Variants in NHS observed in about 807,000 individuals in gnomAD.
The protein encoded by NHS is actin remodeling regulator NHS.
Under a neutral mutation model 72.5 loss-of-function variants are expected in NHS, and 5 were observed. That is an observed-to-expected ratio of 0.07 (90% CI 0.04 to 0.14). The LOEUF (loss-of-function observed/expected upper bound fraction) is 0.14. Ranked by LOEUF, NHS falls within the 10% of genes least tolerant of loss-of-function variation. The probability of loss-of-function intolerance (pLI) is 1.00; values close to 1 mark genes in which losing one functional copy is unlikely to be tolerated. For missense variants in NHS, 1,072 were observed against 1,355.7 expected, an observed-to-expected ratio of 0.79 and a Z score of 3.29; for synonymous variants, 464 against 547.7, an observed-to-expected ratio of 0.85 and a Z score of 2.13.
chrX:17,502,706 G>A lies in NHS; in HGVS notation c.565+126384G>A, dbSNP rs1320671285. Among the ~76,000 whole-genome samples, 7 of 21,511 alleles carry A rather than the reference G, an allele frequency of 3.3e-4. 3 individuals are homozygous for A. Among genetic ancestry groups the A allele is most frequent in the African/African-American group, 9.1e-4 (7 of 7,651 alleles). 18.7% of individuals were successfully genotyped at this position (21,511 alleles called of 115,157 possible). A position where few individuals can be genotyped will look rare whatever the true frequency, so the allele number is the denominator to read the frequency against. Reference sequence around the variant, plus strand: ...CGGGAGGCTGAGGCAGGAGAATGGCGTGAACCCGGGAGGCGGAGCTTGCAG... The same window carrying A: ...CGGGAGGCTGAGGCAGGAGAATGGCATGAACCCGGGAGGCGGAGCTTGCAG... On this transcript the variant is annotated intron_variant, in intron 1 of 8. Transcript: ENST00000676302.
At chrX:17,547,433 G>A (rs1367845782) in intron 1 of NHS, among the ~76,000 whole-genome samples, 1 of 111,726 alleles carries the variant, frequency 9.0e-6, no homozygotes, top group African/African-American at 3.3e-5. Flanking sequence ...CTGTAAAATC[G>A]GAAGTGAGAT....
At chrX:17,427,037 A>G (rs1054962943) in intron 1 of NHS, among the ~76,000 whole-genome samples, 9 of 112,173 alleles carry the variant, frequency 8.0e-5, no homozygotes, top group African/African-American at 2.9e-4. Context: ...ATCACTTGGC[A>G]TGCTCGGCCT....
intron 1 of NHS, chrX:17,586,492 A>G (rs1280980517): frequency 8.9e-6 from 1 of 112,760 alleles, no homozygotes; most frequent in Non-Finnish European, 1.9e-5. Flanking sequence ...GGGAACCCAC[A>G]TGGGATTGAC....
At chrX:17,483,841 C>T (rs773227057) in intron 1 of NHS, among the ~76,000 whole-genome samples, 1 of 110,175 alleles carries the variant, frequency 9.1e-6, no homozygotes, top group Non-Finnish European at 1.9e-5. Context: ...TTTAAAGGAA[C>T]GTAGTAAAGG....
Position 17,721,622 on chromosome X carries a change from T to C in NHS, c.1097T>C (p.Ile366Thr). ...GTGATTTCTTCTTGCATTATTCCCA[T>C]CAATGTTACTGGTATCGTTCTGGTT... ...AQVISSCIIP[I>T]NVTGVGFDRE... Residue 366 changes from isoleucine to threonine, a missense_variant, in exon 5 of 9, where the codon ATC (isoleucine) becomes ACC (threonine). Transcript: ENST00000676302. 8.3e-7 allele frequency: 1 copy of C among 1,208,857 alleles called. No individual in the cohort carries two copies. Among genetic ancestry groups the C allele is most frequent in the Non-Finnish European group, 1.1e-6 (1 of 893,330 alleles).
rs572275867 is a variant in NHS, at chrX:17,644,095, T to C, written c.566-43647T>C. ...GTAGTTACAAAAACCTATTTTTAAA[T>C]GTCTCCCATCTACAATTGGCTATCT... On this transcript the variant is annotated intron_variant, in intron 1 of 8. Coordinates refer to ENST00000676302, the MANE Select transcript of NHS (RefSeq NM_001291867.2). Among the ~76,000 whole-genome samples, 42 of 112,545 alleles carry C rather than the reference T, an allele frequency of 3.7e-4. No homozygotes were observed. The Admixed American group carries it at 4.0e-3, about 11-fold the overall frequency.
At chrX:17,708,808 A>G (rs1265947282) in intron 3 of NHS, among the ~76,000 whole-genome samples, 1 of 111,303 alleles carries the variant, frequency 9.0e-6, no homozygotes, top group Non-Finnish European at 1.9e-5. Context: ...GGGGTGTGTC[A>G]ATAGAGGGCA....
rs59367930 is a variant in NHS, at chrX:17,604,228, T to TCACACACACACACA, written c.566-83487_566-83474dup. Among the ~76,000 whole-genome samples, 44 of 92,275 alleles carry TCACACACACACACA rather than the reference T, an allele frequency of 4.8e-4. 1 individual carries two copies. Among genetic ancestry groups the TCACACACACACACA allele is most frequent in the East Asian group, 2.0e-3 (6 of 2,983 alleles). 80.1% of individuals were successfully genotyped at this position (92,275 alleles called of 115,157 possible). ...ATGGTTTCCTCAGGATATTAATAGA[T>TCACACACACACACA]CACACACACACACACACACACACAC... On this transcript the variant is annotated intron_variant, in intron 1 of 8. Coordinates refer to ENST00000676302, the MANE Select transcript of NHS (RefSeq NM_001291867.2).
chrX:17,479,838 A>G, intron 1 of NHS, among the ~76,000 whole-genome samples: 1 of 111,626 alleles, frequency 9.0e-6, no homozygotes, highest in East Asian at 2.8e-4. Context: ...CCCATTCTGG[A>G]GGTTGCCTTT....
chrX:17,451,059 T>C (rs772749139), intron 1 of NHS, among the ~76,000 whole-genome samples: 3 of 109,397 alleles, frequency 2.7e-5, no homozygotes, highest in Admixed American at 9.6e-5. Flanking sequence ...TGGTTTCAAA[T>C]AGTACAACAA....
chrX:17,721,977 A>G (rs2066409217), intron 5 of NHS, among the ~76,000 whole-genome samples: 1 of 112,040 alleles, frequency 8.9e-6, no homozygotes, highest in South Asian at 3.7e-4. Flanking sequence ...CAGCAAACCC[A>G]GGCTTCTCAA....
intron 1 of NHS, among the ~76,000 whole-genome samples, chrX:17,527,379 CTTCAGGGCATTTCA>C (rs759468279): frequency 2.5e-3 from 285 of 113,482 alleles, no homozygotes; most frequent in African/African-American, 7.9e-3. Context: ...GGCTCTGCCC[CTTCAGGGCATTTCA>C]GGGAGCAGTC....
chrX:17,439,773 TCA>T (rs995627900), intron 1 of NHS, among the ~76,000 whole-genome samples: 2 of 112,417 alleles, frequency 1.8e-5, no homozygotes, highest in Non-Finnish European at 1.9e-5. Context: ...TGTGAGCTTT[TCA>T]CAGAGTGTGT....
intron 1 of NHS, among the ~76,000 whole-genome samples, chrX:17,417,910 C>T (rs185458944): frequency 5.8e-4 from 65 of 111,982 alleles, no homozygotes; most frequent in African/African-American, 2.0e-3. Context: ...TTGCTATTTT[C>T]CATTTTGTCG....
chrX:17,503,461 A>G (rs1030316778), intron 1 of NHS, among the ~76,000 whole-genome samples: 7 of 111,662 alleles, frequency 6.3e-5, no homozygotes, highest in Non-Finnish European at 1.1e-4. Flanking sequence ...CACTTAATCC[A>G]TATCACAATC....
chrX:17,455,315 C>T (rs2064821490), intron 1 of NHS, among the ~76,000 whole-genome samples: 1 of 111,736 alleles, frequency 8.9e-6, no homozygotes, highest in Non-Finnish European at 1.9e-5. Context: ...GCTCCTCTTC[C>T]TCCTTCTCCT....
intron 1 of NHS, among the ~76,000 whole-genome samples, chrX:17,609,608 G>T (rs2065699091): frequency 8.9e-6 from 1 of 112,173 alleles, no homozygotes; most frequent in Admixed American, 9.4e-5. Flanking sequence ...GACAGTTTAT[G>T]TTAGCATGTT....
intron 1 of NHS, among the ~76,000 whole-genome samples, chrX:17,676,588 G>A (rs1248743024): frequency 5.3e-5 from 6 of 112,504 alleles, no homozygotes; most frequent in East Asian, 2.8e-4. Flanking sequence ...CCTTATTTCC[G>A]ATCAGTATTA....
At chrX:17,489,259 C>T (rs774878777) in intron 1 of NHS, among the ~76,000 whole-genome samples, 3 of 111,911 alleles carry the variant, frequency 2.7e-5, no homozygotes, top group Non-Finnish European at 3.8e-5. Flanking sequence ...TGTACATGTG[C>T]ATGTGTCTTT....
Sources: gnomAD v4.1 joint callset for allele counts (sites outside exome capture counted in the v4.1 genomes callset) on GRCh38, gnomAD v4.1.1 for gene constraint, MANE v1.5 for transcripts, NCBI Gene and HGNC (gene_info 2026-07-23, HGNC 2026-07-21) for gene names.